Variants in IFT140 observed in about 807,000 individuals in gnomAD.
IFT140 encodes intraflagellar transport 140.
In IFT140, 133 loss-of-function variants were observed where a neutral mutation model predicts 164.6. That is an observed-to-expected ratio of 0.81 (90% CI 0.70 to 0.93). IFT140 has a LOEUF of 0.93. IFT140 is among the 40% of genes least tolerant of loss of function. The pLI, the probability that IFT140 is intolerant of heterozygous loss-of-function variation, is 0.00. For missense variants in IFT140, 2,045 were observed against 1,972.3 expected (o/e 1.04, Z -0.70); for synonymous variants, 860 against 817.3 (o/e 1.05, Z -0.89).
chr16:1,518,810 C>A (rs2040438349), intron 29 of IFT140, among the ~76,000 whole-genome samples: 2 of 152,008 alleles, frequency 1.3e-5, no homozygotes. Flanking sequence ...TGTGGCAGAG[C>A]AGGGTGTGTG....
intron 13 of IFT140, chr16:1,580,528 A>C: frequency 2.3e-6 from 1 of 427,070 alleles, no homozygotes. Context: ...GCCTCCCACC[A>C]GGATTGTAAG....
intron 6 of IFT140, among the ~76,000 whole-genome samples, chr16:1,590,340 A>G (rs1219874987): frequency 1.3e-5 from 2 of 151,958 alleles, no homozygotes; most frequent in African/African-American, 2.4e-5. Flanking sequence ...AGGGTTTCAC[A>G]TCCACACTGC....
At position 1,512,763 on chromosome 16, in the gene IFT140, C is replaced by T. The variant is rs761789331; in HGVS notation, c.4183-1613G>A. ...TGTGATTGTGCCACCGCACTCCAGC[C>T]TGGGCGACAGAGCAAGACCTCGTCT... On this transcript the variant is annotated intron_variant, in intron 30 of 30. Transcript: ENST00000426508. Among the ~76,000 whole-genome samples, 103 of 152,282 alleles carry T rather than the reference C, an allele frequency of 6.8e-4. No individual in the cohort carries two copies. The Middle Eastern group carries it at 0.01, about 15-fold the overall frequency.
rs1167515335 is a variant in IFT140, at chr16:1,571,388, A to G, written c.1652+19T>C. On this transcript the variant is annotated intron_variant, in intron 14 of 30. Coordinates refer to ENST00000426508, the MANE Select transcript of IFT140 (RefSeq NM_014714.4). ...TGACTAAAAAAATGTTCACACTTCTATTTGGAAAAAAAATTTACCTTCGGG... is the reference window on the plus strand; with the variant it reads ...TGACTAAAAAAATGTTCACACTTCTGTTTGGAAAAAAAATTTACCTTCGGG... 1.9e-6 allele frequency: 3 copies of G among 1,608,012 alleles called. No homozygotes were observed. Among genetic ancestry groups the G allele is most frequent in the African/African-American group, 2.7e-5 (2 of 74,360 alleles).
chr16:1,607,150 T>C lies in IFT140; in HGVS notation c.117A>G (p.Ser39=). 1 of 1,613,646 alleles carries C rather than the reference T, an allele frequency of 6.2e-7. No individual in the cohort carries two copies. The highest frequency in any genetic ancestry group is 8.5e-7 in the Non-Finnish European group (1 of 1,179,548). ...CCAGGTAAATATCCACGCTGCCTGT[T>C]GAGGTTGTGCTGATGTAAGCAACTG... ...FLAVAYISTT[S]TGSVDIYLEQ... Residue 39 remains serine (S), a synonymous_variant, in exon 3 of 31, where the codon TCA becomes TCG. Coordinates refer to ENST00000426508, the MANE Select transcript of IFT140 (RefSeq NM_014714.4).
rs1240729026 is a variant in IFT140, at chr16:1,525,928, C to G, written c.2727G>C (p.Gly909=). ...HLRSTYHRYA[G]HLEASADCSR... is the part of the protein sequence containing the mutation. ...TGCAGTCGGCGCTGGCCTCCAGGTG[C>G]CCGGCATAGCGGTGGTAGGTGCTGC... The change falls in exon 21 of 31, where the codon GGG becomes GGC. Residue 909 remains glycine, a synonymous_variant. Transcript: ENST00000426508. The G allele has an allele frequency of 6.4e-7, 1 of 1,569,418 alleles. No homozygotes were observed. The highest frequency in any genetic ancestry group is 8.6e-7 in the Non-Finnish European group (1 of 1,159,150).
intron 15 of IFT140, among the ~76,000 whole-genome samples, chr16:1,566,764 T>C (rs2033741775): frequency 6.6e-6 from 1 of 152,072 alleles, no homozygotes; most frequent in African/African-American, 2.4e-5. Context: ...GCTTTCTCTC[T>C]CTTTTGGGTC....
Position 1,525,310 on chromosome 16 carries a change from T to C in IFT140, c.2785A>G (p.Thr929Ala), listed in dbSNP as rs200401891. The C allele has an allele frequency of 4.3e-6, 7 of 1,612,034 alleles. No homozygotes were observed. Among genetic ancestry groups the C allele is most frequent in the Non-Finnish European group, 5.9e-6 (7 of 1,179,618 alleles). ...RALSYYEKSD[T>A]HRFEVPRMLS... ...ATCCTGGGCACCTCGAAGCGGTGCGTGTCCGACTTCTCGTAGCTGTGAGAG... is the reference window on the plus strand; with the variant it reads ...ATCCTGGGCACCTCGAAGCGGTGCGCGTCCGACTTCTCGTAGCTGTGAGAG... Residue 929 changes from threonine (T) to alanine (A), a missense_variant, in exon 22 of 31, where the codon ACG (threonine) becomes GCG (alanine). By Grantham distance (58) the Thr-to-Ala change is moderately conservative. Transcript: ENST00000426508.
intron 4 of IFT140, among the ~76,000 whole-genome samples, chr16:1,595,380 G>A (rs975044479): frequency 1.8e-4 from 28 of 152,180 alleles, no homozygotes; most frequent in African/African-American, 5.1e-4. Context: ...TACTTTGGGA[G>A]GCCGAGGCAA....
chr16:1,551,780 G>C lies in IFT140; in HGVS notation c.2399+6155C>G, dbSNP rs1009700555. Among the ~76,000 whole-genome samples the C allele has an allele frequency of 1.2e-4, 18 of 152,216 alleles. No individual in the cohort carries two copies. Among genetic ancestry groups the C allele is most frequent in the Non-Finnish European group, 2.1e-4 (14 of 68,036 alleles). On this transcript the variant is annotated intron_variant, in intron 19 of 30. Coordinates refer to ENST00000426508, the MANE Select transcript of IFT140 (RefSeq NM_014714.4). The surrounding 1 kb of genome is among the most constrained non-coding windows in gnomAD (Gnocchi z 4.0). ...CACACCACACGTGCGTGGTCCGGCA[G>C]ATCCGGCAAGATCAACTCTGCGGGA...
rs778676917 is a variant in IFT140, at chr16:1,589,791, A to C, written c.635-11T>G. The C allele has an allele frequency of 7.5e-6, 12 of 1,607,202 alleles. 1 individual carries two copies. In the South Asian group the frequency reaches 1.3e-4, roughly 18 times the overall value. ...CATAGTGCACTGTCCCTGGGGACAA[A>C]CGTGGGGTCACTACATGAGGAGGCC... On this transcript the variant is annotated splice_polypyrimidine_tract_variant and intron_variant, in intron 6 of 30. Transcript: ENST00000426508.
chr16:1,522,908 C>A (rs1473153631), intron 26 of IFT140, among the ~76,000 whole-genome samples: 2 of 152,054 alleles, frequency 1.3e-5, no homozygotes, highest in Non-Finnish European at 2.9e-5. Flanking sequence ...ATTTGGGAAC[C>A]ACCCATATTT....
At chr16:1,591,190 C>A (rs2035161647) in intron 6 of IFT140, among the ~76,000 whole-genome samples, 1 of 152,162 alleles carries the variant, frequency 6.6e-6, no homozygotes. Flanking sequence ...TGGCACGCAC[C>A]CCCTCCTCTA....
At chr16:1,595,604 A>G (rs2035423109) in intron 4 of IFT140, among the ~76,000 whole-genome samples, 1 of 127,380 alleles carries the variant, frequency 7.9e-6, no homozygotes, top group South Asian at 3.2e-4. Context: ...TCCATCTCAG[A>G]AAAAAAAAAA....
rs561657958 is a variant in IFT140, at chr16:1,583,378, G to A, written c.1368C>T (p.Val456=). The change falls in exon 12 of 31, where the codon GTC becomes GTT. Residue 456 remains valine, a synonymous_variant. Transcript: ENST00000426508. The stretch of plus-strand genomic sequence containing the variant: ...CCACCTGCCTTCCGTTCCAGACTGC[G>A]ACAGCATCCTGAAAAGAACCACGGA... The part of the protein sequence containing the change: ...ISGVFATKDA[V]AVWNGRQVAI... 37 of 1,614,036 alleles carry A rather than the reference G, an allele frequency of 2.3e-5. No homozygotes were observed. Among genetic ancestry groups the A allele is most frequent in the Admixed American group, 5.0e-5 (3 of 60,006 alleles).
Position 1,551,648 on chromosome 16 carries a change from A to C in IFT140, c.2399+6287T>G, listed in dbSNP as rs2032644757. On this transcript the variant is annotated intron_variant, in intron 19 of 30. Transcript: ENST00000426508. The surrounding 1 kb of genome is among the most constrained non-coding windows in gnomAD (Gnocchi z 4.0). ...CCTTGAAACGTCCAGCACATTCCTC[A>C]CTGTCGAACCCAACTTCAGGACATG... 6.6e-6 allele frequency among the ~76,000 whole-genome samples: 1 copy of C among 152,178 alleles called. No homozygotes were observed. The highest frequency in any genetic ancestry group is 2.4e-5 in the African/African-American group (1 of 41,438).
chr16:1,596,247 GTGTCTGCAAAGCATTTTATGCACACCACA>G (rs2035458575), intron 4 of IFT140, among the ~76,000 whole-genome samples: 1 of 151,008 alleles, frequency 6.6e-6, no homozygotes, highest in Non-Finnish European at 1.5e-5. Context: ...AGTGGCTCCC[GTGTCTGCAAAGCATTTTATGCACACCACA>G]TCCTCAGAGG....
intron 19 of IFT140, chr16:1,554,232 C>A: frequency 1.3e-6 from 1 of 772,702 alleles, no homozygotes; most frequent in Non-Finnish European, 1.8e-6. Flanking sequence ...AAGCAAAGGC[C>A]AAGAGCAAGA....
In IFT140 at chr16:1,571,453, C is replaced by T; in HGVS notation, c.1606G>A (p.Val536Ile). ...FLDICGNFLV[V>I]GTDLAHFKSF... is the part of the protein sequence containing the mutation. ...TTAAAGTGAGCCAAGTCTGTCCCTA[C>T]AACCAGGAAATTCCCACAGATGTCC... is the stretch of plus-strand genomic sequence containing the variant. The change falls in exon 14 of 31, where the codon GTA (valine) becomes ATA (isoleucine). Residue 536 changes from valine to isoleucine, a missense_variant. Coordinates refer to ENST00000426508, the MANE Select transcript of IFT140 (RefSeq NM_014714.4). 1.2e-6 allele frequency: 2 copies of T among 1,614,198 alleles called. No homozygotes were observed. The highest frequency in any genetic ancestry group is 8.5e-7 in the Non-Finnish European group (1 of 1,180,028).
Sources: allele counts gnomAD v4.1 joint callset (sites outside exome capture counted in the v4.1 genomes callset), GRCh38; gene constraint gnomAD v4.1.1; non-coding constraint Gnocchi (gnomAD v3.1); transcripts MANE v1.5; gene names NCBI Gene and HGNC (gene_info 2026-07-23, HGNC 2026-07-21).